The following RFX3 variants were observed in gnomAD, a reference collection of about 807,000 sequenced individuals.
RFX3 encodes transcription factor RFX3.
In RFX3, 14 loss-of-function variants were observed where a neutral mutation model predicts 98.6. That is an observed-to-expected ratio of 0.14 (90% CI 0.09 to 0.22). The LOEUF (loss-of-function observed/expected upper bound fraction) is 0.22. Among genes scored for constraint, RFX3 ranks in the 10% least tolerant of loss-of-function variants. RFX3 has a pLI of 1.00. For synonymous variants in RFX3, 383 were observed against 328.4 expected (o/e 1.17, Z -1.80); for missense variants, 639 against 926.9 (o/e 0.69, Z 4.03).
At chr9:3,267,031 C>G (rs571964) in intron 11 of RFX3, among the ~76,000 whole-genome samples, 1 of 151,894 alleles carries the variant, frequency 6.6e-6, no homozygotes, top group African/African-American at 2.4e-5. Context: ...GAAGATTTTA[C>G]GGTGGTCATA....
intron 4 of RFX3, among the ~76,000 whole-genome samples, chr9:3,317,167 A>G (rs1401604062): frequency 7.2e-5 from 11 of 152,236 alleles, no homozygotes; most frequent in Admixed American, 7.2e-4. Flanking sequence ...GAACCAAAAC[A>G]GAGATATAGA....
chr9:3,431,306 A>T (rs1161428928), intron 1 of RFX3, among the ~76,000 whole-genome samples: 1 of 152,210 alleles, frequency 6.6e-6, no homozygotes, highest in Non-Finnish European at 1.5e-5. Flanking sequence ...AGCACTAGTG[A>T]TGCTGCAAGT....
At position 3,524,866 on chromosome 9, in the gene RFX3, CACACACACA is replaced by C. The variant is rs1564205446; in HGVS notation, c.-9+872_-9+880del. Among the ~76,000 whole-genome samples the C allele has an allele frequency of 4.8e-3, 671 of 139,520 alleles. 8 individuals carry two copies. Among genetic ancestry groups the C allele is most frequent in the African/African-American group, 0.018 (645 of 36,536 alleles). 91.5% of individuals were successfully genotyped at this position (139,520 alleles called of 152,430 possible). On this transcript the variant is annotated intron_variant, in intron 1 of 16. Coordinates refer to ENST00000617270, the MANE Select transcript of RFX3 (RefSeq NM_001282116.2). ...ACACACACACACACACACACACACA[CACACACACA>C]CACCAAAGAAGAGAGAGGAGACAGA...
At chr9:3,493,708 T>C (rs866786080) in intron 1 of RFX3, among the ~76,000 whole-genome samples, 1 of 139,544 alleles carries the variant, frequency 7.2e-6, no homozygotes, top group African/African-American at 2.7e-5. Context: ...AAAATATATA[T>C]ATATATATAT....
At chr9:3,259,914 A>G (rs985557111) in intron 13 of RFX3, among the ~76,000 whole-genome samples, 7 of 152,054 alleles carry the variant, frequency 4.6e-5, no homozygotes, top group South Asian at 2.1e-4. Context: ...CCTTATTACA[A>G]GAGCATCATT....
At chr9:3,344,898 A>G in intron 3 of RFX3, 1 of 701,644 alleles carries the variant, frequency 1.4e-6, no homozygotes, top group Non-Finnish European at 2.6e-6. Context: ...ACAAATAAGT[A>G]GAGTGAAAAA....
chr9:3,460,790 C>G (rs7028681), intron 1 of RFX3, among the ~76,000 whole-genome samples: 3,632 of 151,938 alleles, frequency 0.024, 154 homozygotes, highest in African/African-American at 0.083. Flanking sequence ...ATTTTCTTGC[C>G]ATTTCTAAGT....
chr9:3,325,136 G>A (rs3012711), intron 4 of RFX3, among the ~76,000 whole-genome samples: 40,781 of 151,904 alleles, frequency 0.27, 7,401 homozygotes, highest in African/African-American at 0.52. Flanking sequence ...TTAAAATTTT[G>A]AAATCAAACA....
chr9:3,415,104 A>G lies in RFX3; in HGVS notation c.-8-19508T>C, dbSNP rs557867369. Among the ~76,000 whole-genome samples the G allele has an allele frequency of 1.4e-3, 133 of 94,414 alleles. 1 individual carries two copies. The highest frequency in any genetic ancestry group is 1.6e-3 in the South Asian group (6 of 3,742). 61.9% of individuals were successfully genotyped at this position (94,414 alleles called of 152,430 possible). On this transcript the variant is annotated intron_variant, in intron 1 of 16. Transcript: ENST00000617270. ...TATTCTTATATATATACTCATATAT[A>G]AGTATATATATATACTTATATATAT...
intron 1 of RFX3, among the ~76,000 whole-genome samples, chr9:3,445,626 A>T (rs1845979419): frequency 6.6e-6 from 1 of 152,006 alleles, no homozygotes; most frequent in South Asian, 2.1e-4. Context: ...CACCCAATTT[A>T]TTTTTTAAAA....
intron 1 of RFX3, among the ~76,000 whole-genome samples, chr9:3,462,895 A>G (rs1847829416): frequency 6.6e-6 from 1 of 152,132 alleles, no homozygotes; most frequent in African/African-American, 2.4e-5. Context: ...AAACTGCAAG[A>G]CACTGGTAAG....
chr9:3,358,760 C>T (rs1196055368), intron 2 of RFX3, among the ~76,000 whole-genome samples: 1 of 152,036 alleles, frequency 6.6e-6, no homozygotes, highest in Non-Finnish European at 1.5e-5. Flanking sequence ...AATCACAGTT[C>T]CACAGGGCTT....
chr9:3,316,919 A>T (rs1049301095), intron 4 of RFX3, among the ~76,000 whole-genome samples: 2 of 152,222 alleles, frequency 1.3e-5, no homozygotes, highest in Non-Finnish European at 2.9e-5. Flanking sequence ...GGAAGAATCA[A>T]TATCGTGAAA....
intron 3 of RFX3, among the ~76,000 whole-genome samples, chr9:3,346,309 C>G (rs1438495304): frequency 6.6e-6 from 1 of 152,050 alleles, no homozygotes; most frequent in African/African-American, 2.4e-5. Flanking sequence ...AAATACATCA[C>G]ATAAAAATTG....
chr9:3,361,412 G>C (rs750423917), intron 2 of RFX3, among the ~76,000 whole-genome samples: 4 of 152,026 alleles, frequency 2.6e-5, no homozygotes, highest in Non-Finnish European at 5.9e-5. Flanking sequence ...GAAGACACAA[G>C]AAAAGAAAAA....
intron 3 of RFX3, among the ~76,000 whole-genome samples, chr9:3,338,931 A>G (rs897406292): frequency 4.6e-5 from 7 of 152,094 alleles, no homozygotes; most frequent in African/African-American, 1.7e-4. Context: ...CTACTAAAAA[A>G]TACAAAAATT....
chr9:3,283,253 G>T (rs193084530), intron 7 of RFX3, among the ~76,000 whole-genome samples: 2 of 151,822 alleles, frequency 1.3e-5, no homozygotes, highest in African/African-American at 2.4e-5. Context: ...CCATAAGAAA[G>T]ATATTTTTCT....
rs150163026 is a variant in RFX3, at chr9:3,246,643, A to C, written c.1968+1389T>G. ...TAAGAAATTTTAGAGTACTGAGTCC[A>C]CGTGCTACCTGGGCATTTTCCAACA... On this transcript the variant is annotated intron_variant, in intron 15 of 16. Transcript: ENST00000617270. Among the ~76,000 whole-genome samples, 1,394 of 152,334 alleles carry C rather than the reference A, an allele frequency of 9.2e-3. 16 individuals carry two copies. Among genetic ancestry groups the C allele is most frequent in the African/African-American group, 0.032 (1,329 of 41,570 alleles).
At chr9:3,338,211 A>AT (rs1240203344) in intron 3 of RFX3, among the ~76,000 whole-genome samples, 3 of 152,264 alleles carry the variant, frequency 2.0e-5, no homozygotes, top group Non-Finnish European at 2.9e-5. Flanking sequence ...ACTAAAGAAT[A>AT]TCACTAATAA....
Sources: allele counts gnomAD v4.1 joint callset (sites outside exome capture counted in the v4.1 genomes callset), GRCh38; gene constraint gnomAD v4.1.1; transcripts MANE v1.5; gene names NCBI Gene and HGNC (gene_info 2026-07-23, HGNC 2026-07-21).